The following NAALADL2 variants were observed in gnomAD, a reference collection of about 807,000 sequenced individuals.
The protein encoded by NAALADL2 is N-acetylated alpha-linked acidic dipeptidase like 2.
NAALADL2 carries 76 observed loss-of-function variants against 87.2 expected under a neutral mutation model. That is an observed-to-expected ratio of 0.87 (90% CI 0.72 to 1.05). NAALADL2 has a LOEUF of 1.05. Ranked by LOEUF, NAALADL2 falls within the 50% of genes least tolerant of loss-of-function variation. The pLI is 0.00. For synonymous variants in NAALADL2, 354 were observed against 331.0 expected (o/e 1.07, Z -0.75); for missense variants, 1,089 against 945.8 (o/e 1.15, Z -1.99).
chr3:175,735,492 C>T (rs9832283), intron 11 of NAALADL2, among the ~76,000 whole-genome samples: 3,097 of 152,242 alleles, frequency 0.02, 106 homozygotes, highest in African/African-American at 0.07. Context: ...CAAGACTGGG[C>T]AATTTACAAA....
At chr3:175,248,459 T>G (rs993839539) in intron 3 of NAALADL2, among the ~76,000 whole-genome samples, 1 of 152,168 alleles carries the variant, frequency 6.6e-6, no homozygotes, top group African/African-American at 2.4e-5. Flanking sequence ...TTTATTGTCT[T>G]TCACCATCTT....
intron 2 of NAALADL2, among the ~76,000 whole-genome samples, chr3:174,691,424 TAAATA>T (rs1382259126): frequency 7.7e-6 from 1 of 129,640 alleles, no homozygotes; most frequent in African/African-American, 2.7e-5. Context: ...AAAAAATAAT[TAAATA>T]AAACCCACAA....
chr3:175,789,916 A>T (rs941104157), intron 13 of NAALADL2, among the ~76,000 whole-genome samples: 2 of 152,172 alleles, frequency 1.3e-5, no homozygotes, highest in Non-Finnish European at 2.9e-5. Flanking sequence ...TTCCCTAAGT[A>T]TAATTTAATA....
chr3:175,528,084 G>A (rs1298070572), intron 9 of NAALADL2, among the ~76,000 whole-genome samples: 2 of 152,104 alleles, frequency 1.3e-5, no homozygotes, highest in Admixed American at 1.3e-4. Context: ...AGTTCTCGGA[G>A]AAGGAAAGTG....
chr3:175,705,575 G>T (rs1274847952), intron 11 of NAALADL2, among the ~76,000 whole-genome samples: 1 of 151,826 alleles, frequency 6.6e-6, no homozygotes, highest in Non-Finnish European at 1.5e-5. Flanking sequence ...AACTAACACT[G>T]ATTGGGTGTC....
At chr3:175,223,736 A>G (rs1291370015) in intron 2 of NAALADL2, among the ~76,000 whole-genome samples, 1 of 152,154 alleles carries the variant, frequency 6.6e-6, no homozygotes, top group African/African-American at 2.4e-5. Flanking sequence ...GAAAGATGTC[A>G]AATAGGAGCT....
Position 175,202,814 on chromosome 3 carries a change from G to A in NAALADL2, c.546-31117G>A, listed in dbSNP as rs376502459. Among the ~76,000 whole-genome samples the A allele has an allele frequency of 3.2e-4, 48 of 152,196 alleles. No homozygotes were observed. In the East Asian group the frequency reaches 8.4e-3, roughly 27 times the overall value. ...GCTGTGGCTGCTCTGGGGGATGGGAGTGAGGTTCCTATGTCAATGAAGTTG... is the reference window on the plus strand; with the variant it reads ...GCTGTGGCTGCTCTGGGGGATGGGAATGAGGTTCCTATGTCAATGAAGTTG... On this transcript the variant is annotated intron_variant, in intron 2 of 13. Transcript: ENST00000454872.
intron 2 of NAALADL2, among the ~76,000 whole-genome samples, chr3:174,564,430 G>A (rs754214522): frequency 2.0e-5 from 3 of 152,114 alleles, no homozygotes; most frequent in Non-Finnish European, 2.9e-5. Context: ...CCTAGTGGGC[G>A]TGGAAACCCG....
At chr3:175,689,249 C>G (rs944805149) in intron 11 of NAALADL2, among the ~76,000 whole-genome samples, 34 of 151,878 alleles carry the variant, frequency 2.2e-4, no homozygotes, top group African/African-American at 8.2e-4. Flanking sequence ...TTAAAATCCC[C>G]AAGATAGAAA....
intron 3 of NAALADL2, among the ~76,000 whole-genome samples, chr3:174,785,035 T>G (rs1716430550): frequency 6.6e-6 from 1 of 152,176 alleles, no homozygotes; most frequent in Admixed American, 6.6e-5. Context: ...AATTTTATCT[T>G]TTATTTTAGA....
intron 3 of NAALADL2, among the ~76,000 whole-genome samples, chr3:174,776,255 C>T (rs1191961802): frequency 6.6e-6 from 1 of 152,112 alleles, no homozygotes; most frequent in Admixed American, 6.6e-5. Context: ...TGTAGGATTA[C>T]AAAATGCATG....
intron 5 of NAALADL2, among the ~76,000 whole-genome samples, chr3:175,411,215 A>C (rs1713452335): frequency 6.6e-6 from 1 of 152,182 alleles, no homozygotes; most frequent in African/African-American, 2.4e-5. Context: ...GTGGCCTATA[A>C]TTTACTAGTT....
At position 175,471,669 on chromosome 3, in the gene NAALADL2, G is replaced by T; in HGVS notation, c.1564G>T (p.Val522Leu). The T allele has an allele frequency of 6.5e-7, 1 of 1,542,238 alleles. No individual in the cohort carries two copies. The highest frequency in any genetic ancestry group is 8.9e-7 in the Non-Finnish European group (1 of 1,119,860). Residue 522 changes from valine (V) to leucine (L), a missense_variant, in exon 9 of 14, where the codon GTG becomes TTG. Coordinates refer to ENST00000454872, the MANE Select transcript of NAALADL2 (RefSeq NM_207015.3). ...DFKKVLQKNVVAYISLHSPIR... is the reference protein window; with the variant it reads ...DFKKVLQKNVLAYISLHSPIR... ...CAAGAAGGTTCTTCAGAAAAATGTT[G>T]TGGCTTATATTAGCCTCCACAGTCC...
intron 2 of NAALADL2, among the ~76,000 whole-genome samples, chr3:174,716,326 T>A (rs1268380322): frequency 7.2e-6 from 1 of 138,704 alleles, no homozygotes; most frequent in Admixed American, 7.1e-5. Context: ...CTAGTACTCA[T>A]TGTATTTTTT....
intron 4 of NAALADL2, among the ~76,000 whole-genome samples, chr3:175,272,833 A>G (rs964162515): frequency 6.6e-6 from 1 of 152,120 alleles, no homozygotes. Context: ...GACTTAAGGT[A>G]AGGAACCTGA....
At chr3:174,828,399 T>G (rs1722238661) in intron 3 of NAALADL2, among the ~76,000 whole-genome samples, 1 of 152,220 alleles carries the variant, frequency 6.6e-6, no homozygotes, top group Admixed American at 6.5e-5. Flanking sequence ...TTTAATTGCT[T>G]GGCATCATAG....
chr3:174,785,611 GC>G (rs1716545781), intron 3 of NAALADL2, among the ~76,000 whole-genome samples: 1 of 151,982 alleles, frequency 6.6e-6, no homozygotes, highest in Non-Finnish European at 1.5e-5. Context: ...GTCTATTTGG[GC>G]TCTTTTTTGT....
intron 2 of NAALADL2, among the ~76,000 whole-genome samples, chr3:175,147,714 G>C (rs925936920): frequency 6.6e-6 from 1 of 152,082 alleles, no homozygotes; most frequent in Non-Finnish European, 1.5e-5. Context: ...CACCAACAGC[G>C]TGTAAACATT....
intron 2 of NAALADL2, among the ~76,000 whole-genome samples, chr3:174,617,976 A>G (rs187566082): frequency 6.6e-6 from 1 of 151,934 alleles, no homozygotes; most frequent in East Asian, 1.9e-4. Context: ...CACTGAGGTT[A>G]AAAGAAGAGG....
Sources: gnomAD v4.1 joint callset for allele counts (sites outside exome capture counted in the v4.1 genomes callset) on GRCh38, gnomAD v4.1.1 for gene constraint, MANE v1.5 for transcripts, NCBI Gene and HGNC (gene_info 2026-07-23, HGNC 2026-07-21) for gene names.